The following CCDC171 variants were observed in gnomAD, a reference collection of about 807,000 sequenced individuals.
The protein encoded by CCDC171 is coiled-coil domain-containing protein 171.
In CCDC171, 177 loss-of-function variants were observed where a neutral mutation model predicts 168.2. The ratio of observed to expected loss-of-function variants is 1.05; its 90% CI spans 0.93 to 1.19. The LOEUF (loss-of-function observed/expected upper bound fraction) is 1.19. CCDC171 is among the 50% of genes most tolerant of loss of function. CCDC171 has a pLI of 0.00. For synonymous variants in CCDC171, 687 were observed against 540.8 expected (o/e 1.27, Z -3.75); for missense variants, 1,991 against 1,539.0 (o/e 1.29, Z -4.91).
At chr9:15,702,013 T>G (rs1455006014) in intron 11 of CCDC171, among the ~76,000 whole-genome samples, 1 of 152,222 alleles carries the variant, frequency 6.6e-6, no homozygotes, top group Non-Finnish European at 1.5e-5. Flanking sequence ...AAAAATTACT[T>G]CTTGATCCAT....
At chr9:15,574,257 G>C (rs1274969241) in intron 3 of CCDC171, among the ~76,000 whole-genome samples, 2 of 151,792 alleles carry the variant, frequency 1.3e-5, no homozygotes, top group African/African-American at 4.8e-5. Context: ...CGTTCCTCCT[G>C]CTTCAGCCTC....
At chr9:15,631,411 A>G (rs1045015304) in intron 7 of CCDC171, among the ~76,000 whole-genome samples, 2 of 152,236 alleles carry the variant, frequency 1.3e-5, no homozygotes, top group Non-Finnish European at 2.9e-5. Flanking sequence ...CAAATAAACT[A>G]GAAAATCTTG....
At chr9:16,095,419 C>G in the CCDC171 span, among the ~76,000 whole-genome samples, 1 of 152,206 alleles carries the variant, frequency 6.6e-6, no homozygotes, top group Non-Finnish European at 1.5e-5. Context: ...TAGAACTTCC[C>G]TCAAAGATTT....
At chr9:15,637,502 G>T (rs1040795968) in intron 7 of CCDC171, among the ~76,000 whole-genome samples, 5 of 150,498 alleles carry the variant, frequency 3.3e-5, no homozygotes, top group Non-Finnish European at 7.4e-5. Context: ...AAGTTTTAGG[G>T]TACATGTGCA....
intron 7 of CCDC171, among the ~76,000 whole-genome samples, chr9:15,639,410 G>A (rs1170329133): frequency 6.6e-6 from 1 of 152,040 alleles, no homozygotes; most frequent in East Asian, 1.9e-4. Flanking sequence ...AATTTTTAAA[G>A]AAGGTAAATC....
intron 10 of CCDC171, among the ~76,000 whole-genome samples, chr9:15,682,150 G>C (rs765911864): frequency 8.6e-5 from 13 of 151,968 alleles, no homozygotes; most frequent in Non-Finnish European, 1.2e-4. Context: ...TGAGATCAAG[G>C]TGTTATTAAT....
chr9:15,743,964 T>C (rs1191431405), intron 16 of CCDC171, among the ~76,000 whole-genome samples: 3 of 152,240 alleles, frequency 2.0e-5, no homozygotes, highest in Non-Finnish European at 4.4e-5. Flanking sequence ...CATATTTTTC[T>C]TTTCTAAATT....
chr9:16,085,462 A>G, the CCDC171 span, among the ~76,000 whole-genome samples: 1 of 152,210 alleles, frequency 6.6e-6, no homozygotes, highest in African/African-American at 2.4e-5. Context: ...CCACTGGCCT[A>G]CAGCTCCAAG....
chr9:15,608,580 C>T (rs2043394836), intron 6 of CCDC171, among the ~76,000 whole-genome samples: 1 of 152,004 alleles, frequency 6.6e-6, no homozygotes, highest in African/African-American at 2.4e-5. Context: ...TGGCCATTCA[C>T]ATTTCTTTTT....
intron 9 of CCDC171, 141 bp downstream of exon 9, chr9:15,666,464 A>G (rs909266441): frequency 1.2e-5 from 7 of 577,766 alleles, no homozygotes; most frequent in East Asian, 8.6e-5. Context: ...TTCATAAAAC[A>G]TAACTATACT....
At chr9:15,748,341 G>A (rs1198828228) in intron 18 of CCDC171, among the ~76,000 whole-genome samples, 1 of 152,190 alleles carries the variant, frequency 6.6e-6, no homozygotes, top group Non-Finnish European at 1.5e-5. Context: ...CCAAATCTGT[G>A]TTTGATTGGT....
chr9:15,882,366 AGT>A, intron 24 of CCDC171, among the ~76,000 whole-genome samples: 1 of 152,080 alleles, frequency 6.6e-6, no homozygotes. Context: ...ACGATTTGCG[AGT>A]GTATTCTCCC....
intron 7 of CCDC171, 89 bp downstream of exon 7, chr9:15,623,502 C>CACACACACACACACACGG: frequency 1.4e-6 from 1 of 693,500 alleles, no homozygotes; most frequent in African/African-American, 1.8e-5. Flanking sequence ...CACACACACA[C>CACACACACACACACACGG]ACACATAAAA....
intron 24 of CCDC171, chr9:15,886,428 A>G (rs1022434462): frequency 6.6e-6 from 1 of 152,146 alleles, no homozygotes; most frequent in Non-Finnish European, 1.5e-5. Context: ...TCACATCACA[A>G]CTGTTAGGAT....
At chr9:15,878,220 A>C (rs7861533) in intron 24 of CCDC171, among the ~76,000 whole-genome samples, 7,044 of 152,274 alleles carry the variant, frequency 0.046, 349 homozygotes, top group South Asian at 0.13. Flanking sequence ...AAAATATTGC[A>C]AACTGTGCAT....
rs186174173 is a variant in CCDC171, at chr9:15,654,209, A to G, written c.823-2918A>G. On this transcript the variant is annotated intron_variant, in intron 7 of 25. Coordinates refer to ENST00000380701, the MANE Select transcript of CCDC171 (RefSeq NM_173550.4). ...GGATTTATTGCTTTCTGTAAAAAAA[A>G]AAAACCAAAACTATTTTCTAGTATA... Among the ~76,000 whole-genome samples the G allele has an allele frequency of 2.0e-5, 3 of 152,318 alleles. No individual in the cohort carries two copies. The East Asian group carries it at 5.8e-4, about 29-fold the overall frequency.
chr9:15,896,952 G>A (rs746792613), intron 24 of CCDC171, among the ~76,000 whole-genome samples: 21 of 151,998 alleles, frequency 1.4e-4, no homozygotes, highest in Non-Finnish European at 2.6e-4. Context: ...TAAAAGAAAG[G>A]TCATTTTTTT....
chr9:15,783,311 G>T (rs2057763094), intron 20 of CCDC171, among the ~76,000 whole-genome samples: 2 of 152,140 alleles, frequency 1.3e-5, no homozygotes, highest in East Asian at 1.9e-4. Context: ...TGTCTTATTT[G>T]TCAGAAAAAT....
At chr9:15,855,763 A>T (rs1419577931) in intron 23 of CCDC171, among the ~76,000 whole-genome samples, 1 of 151,862 alleles carries the variant, frequency 6.6e-6, no homozygotes, top group East Asian at 1.9e-4. Context: ...ATTCAAAACA[A>T]TCTTGTTTGA....
Sources: gnomAD v4.1 joint callset for allele counts (sites outside exome capture counted in the v4.1 genomes callset) on GRCh38, gnomAD v4.1.1 for gene constraint, MANE v1.5 for transcripts, NCBI Gene and HGNC (gene_info 2026-07-23, HGNC 2026-07-21) for gene names.